The following GADL1 variants were observed in gnomAD, a reference collection of about 807,000 sequenced individuals.
GADL1 encodes the protein GAD like acidic amino acid decarboxylase 1.
In GADL1, 71 loss-of-function variants were observed where a neutral mutation model predicts 69.5. The observed-to-expected ratio is 1.02, with a 90% CI of 0.84 to 1.25. The LOEUF (loss-of-function observed/expected upper bound fraction) is 1.25, where lower values mean the gene tolerates loss of function less well. Ranked by LOEUF, GADL1 falls within the 50% of genes most tolerant of loss-of-function variation. The pLI, the probability that GADL1 is intolerant of heterozygous loss-of-function variation, is 0.00. For synonymous variants in GADL1, 254 were observed against 214.4 expected, an observed-to-expected ratio of 1.18 and a Z score of -1.62; for missense variants, 737 against 631.8, an observed-to-expected ratio of 1.17 and a Z score of -1.79.
At chr3:30,826,449 C>T (rs1316428735) in intron 11 of GADL1, among the ~76,000 whole-genome samples, 1 of 151,722 alleles carries the variant, frequency 6.6e-6, no homozygotes, top group Admixed American at 6.6e-5. Context: ...ATATCTACAC[C>T]CTCAGGGTTC....
rs1259840063 is a variant in GADL1, at chr3:30,786,350, C to G, written c.1302+5G>C. ...AATCACAAGCACAATTATGCAATCA[C>G]TTACTTCCATCAGTAACTTGAATCC... is the stretch of plus-strand genomic sequence containing the variant. On this transcript the variant is annotated splice_donor_5th_base_variant and intron_variant, in intron 13 of 14. Transcript: ENST00000282538. The G allele has an allele frequency of 6.5e-7, 1 of 1,548,658 alleles. No individual in the cohort carries two copies. The highest frequency in any genetic ancestry group is 1.7e-5 in the Admixed American group (1 of 59,826).
intron 1 of GADL1, among the ~76,000 whole-genome samples, chr3:30,879,350 C>A (rs1003420467): frequency 1.3e-5 from 2 of 151,830 alleles, no homozygotes; most frequent in South Asian, 2.1e-4. Context: ...AGAGAAAGCC[C>A]ACTGGGAGGA....
At chr3:30,877,483 A>G (rs576734817) in intron 1 of GADL1, among the ~76,000 whole-genome samples, 1 of 152,044 alleles carries the variant, frequency 6.6e-6, no homozygotes, top group South Asian at 2.1e-4. Flanking sequence ...CTATCACTGC[A>G]TCATACAAAT....
At chr3:30,752,897 A>G (rs1033373634) in intron 14 of GADL1, among the ~76,000 whole-genome samples, 1 of 151,284 alleles carries the variant, frequency 6.6e-6, no homozygotes, top group African/African-American at 2.5e-5. Context: ...TCAGTATAAG[A>G]TGATGGCAAG....
intron 8 of GADL1, among the ~76,000 whole-genome samples, chr3:30,840,865 TTG>T (rs1267589401): frequency 3.3e-5 from 5 of 152,246 alleles, no homozygotes; most frequent in Non-Finnish European, 1.5e-5. Flanking sequence ...GTGAGCTGTA[TTG>T]TCTAAGAAAA....
At chr3:30,889,185 A>G (rs935120908) in intron 1 of GADL1, among the ~76,000 whole-genome samples, 2 of 151,240 alleles carry the variant, frequency 1.3e-5, no homozygotes, top group Non-Finnish European at 2.9e-5. Context: ...GCAAAGGAAG[A>G]CCAAAGGCAT....
At chr3:30,855,944 C>T (rs543427252) in intron 3 of GADL1, among the ~76,000 whole-genome samples, 13 of 120,578 alleles carry the variant, frequency 1.1e-4, no homozygotes, top group East Asian at 4.7e-4. Flanking sequence ...AAAAAAAAAA[C>T]GGCATTGCTA....
At chr3:30,777,089 T>C (rs1477015104) in intron 14 of GADL1, among the ~76,000 whole-genome samples, 1 of 152,166 alleles carries the variant, frequency 6.6e-6, no homozygotes. Flanking sequence ...TCTCTAGGAA[T>C]ATTGAGTTTC....
intron 14 of GADL1, among the ~76,000 whole-genome samples, chr3:30,753,773 G>A (rs1047826601): frequency 6.6e-6 from 1 of 152,130 alleles, no homozygotes; most frequent in African/African-American, 2.4e-5. Context: ...ACAAATACAT[G>A]TGTTCCTATG....
At chr3:30,762,049 C>CTGGA (rs1553636522) in intron 14 of GADL1, among the ~76,000 whole-genome samples, 2 of 152,150 alleles carry the variant, frequency 1.3e-5, no homozygotes. Context: ...GGTGAGAGGT[C>CTGGA]TGGATGCAGG....
chr3:30,753,475 A>G (rs931467024), intron 14 of GADL1, among the ~76,000 whole-genome samples: 6 of 149,554 alleles, frequency 4.0e-5, no homozygotes, highest in African/African-American at 1.2e-4. Context: ...GGTTTTTTCA[A>G]TCCTAAAAAA....
At chr3:30,867,390 C>T (rs920594347) in intron 1 of GADL1, among the ~76,000 whole-genome samples, 28 of 139,638 alleles carry the variant, frequency 2.0e-4, no homozygotes, top group African/African-American at 6.0e-4. Flanking sequence ...CATCAATCTC[C>T]GAGAAGTTAA....
At chr3:30,842,512 G>T (rs1697984600) in intron 8 of GADL1, among the ~76,000 whole-genome samples, 1 of 151,948 alleles carries the variant, frequency 6.6e-6, no homozygotes. Context: ...TTTTTGTAAT[G>T]AGAAGTTTAA....
At chr3:30,755,786 T>TTG (rs1401719547) in intron 14 of GADL1, among the ~76,000 whole-genome samples, 2 of 151,796 alleles carry the variant, frequency 1.3e-5, no homozygotes, top group African/African-American at 4.9e-5. Context: ...GATACCTATG[T>TTG]TGTGATTAGA....
At chr3:30,786,476 C>A in intron 12 of GADL1, 70 bp from the exon 13 acceptor site, 1 of 814,522 alleles carries the variant, frequency 1.2e-6, no homozygotes, top group Non-Finnish European at 2.1e-6. Context: ...ACTGATATGA[C>A]AAAACTGATT....
intron 1 of GADL1, among the ~76,000 whole-genome samples, chr3:30,880,006 C>A (rs914723798): frequency 5.4e-5 from 8 of 148,012 alleles, no homozygotes; most frequent in Admixed American, 4.9e-4. Context: ...TCTTTCACAG[C>A]CAGACACTGC....
intron 1 of GADL1, among the ~76,000 whole-genome samples, chr3:30,868,615 G>A (rs1408162457): frequency 3.9e-5 from 6 of 151,932 alleles, no homozygotes; most frequent in Admixed American, 2.0e-4. Context: ...AAGTGCCAGG[G>A]ACAGTGTAAA....
chr3:30,759,074 T>C (rs971943164), intron 14 of GADL1, among the ~76,000 whole-genome samples: 4 of 151,640 alleles, frequency 2.6e-5, no homozygotes, highest in African/African-American at 9.7e-5. Flanking sequence ...AAAAATCCGT[T>C]TTTTTTCCAG....
intron 11 of GADL1, among the ~76,000 whole-genome samples, chr3:30,807,090 T>C (rs1161213219): frequency 1.3e-5 from 2 of 152,190 alleles, no homozygotes; most frequent in South Asian, 2.1e-4. Context: ...CTACCCATCA[T>C]ACATAAGTAT....
Sources: allele counts gnomAD v4.1 joint callset (sites outside exome capture counted in the v4.1 genomes callset), GRCh38; gene constraint gnomAD v4.1.1; transcripts MANE v1.5; gene names NCBI Gene and HGNC (gene_info 2026-07-23, HGNC 2026-07-21).